Variants in MGAT4C observed in about 807,000 individuals in gnomAD.
MGAT4C encodes MGAT4 family member C.
A neutral mutation model predicts 40.1 loss-of-function variants in MGAT4C; 19 were observed. The observed-to-expected ratio is 0.47, with a 90% confidence interval of 0.33 to 0.70. The LOEUF (loss-of-function observed/expected upper bound fraction) is 0.70, where lower values mean the gene tolerates loss of function less well. Among genes scored for constraint, MGAT4C ranks in the 30% least tolerant of loss-of-function variants. MGAT4C has a pLI of 0.02. For synonymous variants in MGAT4C, 181 were observed against 187.1 expected (o/e 0.97, Z 0.27); for missense variants, 491 against 563.2 (o/e 0.87, Z 1.30).
chr12:86,513,285 T>A (rs1958624396), intron 2 of MGAT4C, among the ~76,000 whole-genome samples: 1 of 152,164 alleles, frequency 6.6e-6, no homozygotes, highest in Non-Finnish European at 1.5e-5. Context: ...ATAGTTACTA[T>A]CCATTCAATA....
rs139733357 is a variant in MGAT4C, at chr12:86,213,510, T to C, written c.-57+42729A>G. 3.0e-3 allele frequency among the ~76,000 whole-genome samples: 454 copies of C among 152,286 alleles called. 2 individuals carry two copies. Among genetic ancestry groups the C allele is most frequent in the African/African-American group, 0.01 (433 of 41,558 alleles). ...TGAATAAAAATAATGTATAATATCA[T>C]ATTTATTCACTAATATATGTAATAG... On this transcript the variant is annotated intron_variant, in intron 1 of 4. Coordinates refer to ENST00000611864, the MANE Select transcript of MGAT4C (RefSeq NM_001351288.2).
chr12:86,603,633 CTATA>C (rs1211849932), intron 2 of MGAT4C, among the ~76,000 whole-genome samples: 1 of 120,992 alleles, frequency 8.3e-6, no homozygotes, highest in Non-Finnish European at 1.6e-5. Context: ...AGTCTATAGA[CTATA>C]TATAGTATAT....
chr12:86,060,439 T>C (rs1893833321), intron 1 of MGAT4C, among the ~76,000 whole-genome samples: 2 of 152,210 alleles, frequency 1.3e-5, no homozygotes, highest in South Asian at 4.1e-4. Context: ...CTTATGTTTA[T>C]GGCTGGCTAT....
intron 1 of MGAT4C, among the ~76,000 whole-genome samples, chr12:86,754,393 AT>A (rs1273746244): frequency 6.6e-6 from 1 of 152,142 alleles, no homozygotes; most frequent in Non-Finnish European, 1.5e-5. Context: ...CATATTCATT[AT>A]CTTGATTGTG....
At chr12:86,068,512 T>G (rs1276587303) in intron 1 of MGAT4C, 1 of 149,902 alleles carries the variant, frequency 6.7e-6, no homozygotes, top group Non-Finnish European at 1.5e-5. Context: ...TGTTTTCTTT[T>G]TTAGGAACAT....
At chr12:86,608,365 A>T (rs1179639945) in intron 2 of MGAT4C, among the ~76,000 whole-genome samples, 1 of 152,094 alleles carries the variant, frequency 6.6e-6, no homozygotes, top group Non-Finnish European at 1.5e-5. Flanking sequence ...GATCACTTAA[A>T]GCCAGAAGTT....
chr12:86,092,257 C>T (rs966015725), intron 1 of MGAT4C, among the ~76,000 whole-genome samples: 2 of 152,000 alleles, frequency 1.3e-5, no homozygotes, highest in African/African-American at 4.8e-5. Flanking sequence ...GGCCTTATAG[C>T]ATACTTCATT....
chr12:86,788,141 A>T (rs2136190241), intron 1 of MGAT4C, among the ~76,000 whole-genome samples: 1 of 150,974 alleles, frequency 6.6e-6, no homozygotes, highest in South Asian at 2.1e-4. Flanking sequence ...TATATATAAC[A>T]CCCACATATA....
At chr12:86,786,280 C>T (rs1565989698) in intron 1 of MGAT4C, among the ~76,000 whole-genome samples, 2 of 152,000 alleles carry the variant, frequency 1.3e-5, no homozygotes, top group Non-Finnish European at 2.9e-5. Flanking sequence ...AGGTTTCTAA[C>T]AAAAGAAATC....
chr12:86,640,902 G>T (rs183293576), intron 2 of MGAT4C, among the ~76,000 whole-genome samples: 8 of 152,060 alleles, frequency 5.3e-5, no homozygotes, highest in Non-Finnish European at 1.0e-4. Flanking sequence ...TTTCCATGTA[G>T]TTGAGCGGTT....
chr12:86,419,747 T>C (rs1330501667), intron 3 of MGAT4C, among the ~76,000 whole-genome samples: 2 of 152,180 alleles, frequency 1.3e-5, no homozygotes, highest in Non-Finnish European at 2.9e-5. Context: ...AAATGAGACC[T>C]AAACACTCAA....
In MGAT4C at chr12:85,972,033, T is replaced by A. The variant is rs2136660233; in HGVS notation, c.*7256A>T. On this transcript the variant is annotated 3_prime_UTR_variant, in exon 5 of 5. Transcript: ENST00000611864. ...CAGCATACATACATTGGTTTATGGA[T>A]TTAATGAAAATATCCCCAACCATTA... The A allele has an allele frequency of 6.6e-6, 1 of 151,316 alleles. No individual in the cohort carries two copies. Among genetic ancestry groups the A allele is most frequent in the South Asian group, 2.1e-4 (1 of 4,822 alleles). 9.4% of individuals were successfully genotyped at this position (151,316 alleles called of 1,614,324 possible). A position where few individuals can be genotyped will look rare whatever the true frequency, so the allele number is the denominator to read the frequency against.
chr12:86,480,421 CAT>C (rs1464709317), intron 2 of MGAT4C, among the ~76,000 whole-genome samples: 2 of 149,342 alleles, frequency 1.3e-5, no homozygotes, highest in African/African-American at 4.9e-5. Context: ...ATATATCCAA[CAT>C]ATAAACATGT....
At chr12:86,452,929 A>G (rs749898915) in intron 2 of MGAT4C, among the ~76,000 whole-genome samples, 3 of 152,014 alleles carry the variant, frequency 2.0e-5, no homozygotes, top group African/African-American at 4.8e-5. Flanking sequence ...TACAATGCAT[A>G]TTTTCTCTCT....
intron 1 of MGAT4C, among the ~76,000 whole-genome samples, chr12:86,153,384 C>T (rs546947397): frequency 2.0e-5 from 3 of 152,154 alleles, no homozygotes; most frequent in African/African-American, 7.2e-5. Context: ...CCTAAAAACC[C>T]CAAAATAGAC....
intron 1 of MGAT4C, among the ~76,000 whole-genome samples, chr12:86,191,204 GGACA>G (rs1195175480): frequency 1.3e-5 from 2 of 150,994 alleles, no homozygotes; most frequent in African/African-American, 2.4e-5. Flanking sequence ...GGTTCTAGAA[GGACA>G]GACTCTTCAA....
chr12:86,510,526 A>G (rs952126537), intron 2 of MGAT4C, among the ~76,000 whole-genome samples: 2 of 152,180 alleles, frequency 1.3e-5, no homozygotes, highest in Non-Finnish European at 2.9e-5. Flanking sequence ...AAATGCTCCA[A>G]TTAAAAGACA....
intron 4 of MGAT4C, among the ~76,000 whole-genome samples, chr12:86,299,401 G>A (rs909207508): frequency 2.6e-5 from 4 of 152,176 alleles, no homozygotes; most frequent in African/African-American, 9.7e-5. Context: ...ACAGGCGTGA[G>A]CCACTGTGCC....
chr12:86,587,171 G>T (rs1481074327), intron 2 of MGAT4C, among the ~76,000 whole-genome samples: 2 of 151,788 alleles, frequency 1.3e-5, no homozygotes, highest in Non-Finnish European at 2.9e-5. Context: ...TTCTACATAT[G>T]GCTAGCCAGT....
Sources: allele counts gnomAD v4.1 joint callset (sites outside exome capture counted in the v4.1 genomes callset), GRCh38; gene constraint gnomAD v4.1.1; transcripts MANE v1.5; gene names NCBI Gene and HGNC (gene_info 2026-07-23, HGNC 2026-07-21).